Variants in PSMA8 observed in about 807,000 individuals in gnomAD.
The protein encoded by PSMA8 is proteasome subunit alpha-type 8.
In PSMA8, 18 loss-of-function variants were observed where a neutral mutation model predicts 32.4. The ratio of observed to expected loss-of-function variants is 0.56; its 90% CI spans 0.38 to 0.82. The LOEUF (loss-of-function observed/expected upper bound fraction) is 0.82, where lower values mean the gene tolerates loss of function less well. Ranked by LOEUF, PSMA8 falls within the 40% of genes least tolerant of loss-of-function variation. The probability of loss-of-function intolerance (pLI) is 0.00; values close to 1 mark genes in which losing one functional copy is unlikely to be tolerated. For synonymous variants in PSMA8, 104 were observed against 98.1 expected (o/e 1.06, Z -0.36); for missense variants, 298 against 300.7 (o/e 0.99, Z 0.07).
At chr18:26,140,153 C>A (rs1263875333) in intron 1 of PSMA8, 1 of 702,808 alleles carries the variant, frequency 1.4e-6, no homozygotes, top group African/African-American at 1.7e-5. Context: ...AAGTTCTTCA[C>A]CAGTTAGCCC....
At chr18:26,151,043 C>T (rs1029503922) in intron 2 of PSMA8, among the ~76,000 whole-genome samples, 7 of 152,134 alleles carry the variant, frequency 4.6e-5, no homozygotes, top group Non-Finnish European at 1.0e-4. Context: ...ATTACAATTT[C>T]TACCCAACTA....
chr18:26,177,202 C>T (rs901238149), intron 4 of PSMA8, among the ~76,000 whole-genome samples: 15 of 152,102 alleles, frequency 9.9e-5, no homozygotes, highest in African/African-American at 3.4e-4. Context: ...GATTTTGTCC[C>T]ACCTAAAAGA....
At chr18:26,157,986 G>A in intron 3 of PSMA8, 136 bp from the exon 4 acceptor site, 1 of 609,120 alleles carries the variant, frequency 1.6e-6, no homozygotes, top group African/African-American at 1.9e-5. Flanking sequence ...GCTCCAGAAA[G>A]GGTTAGGAAA....
At chr18:26,165,569 T>A (rs553805553) in intron 4 of PSMA8, among the ~76,000 whole-genome samples, 13 of 150,842 alleles carry the variant, frequency 8.6e-5, no homozygotes, top group Non-Finnish European at 1.8e-4. Context: ...TCAAGGGAAT[T>A]TTCCCCCCCC....
chr18:26,181,655 A>G (rs2055312282), intron 6 of PSMA8, among the ~76,000 whole-genome samples: 1 of 152,244 alleles, frequency 6.6e-6, no homozygotes, highest in South Asian at 2.1e-4. Flanking sequence ...TACTTAAAGA[A>G]ATTTAAAGTG....
chr18:26,170,185 CT>C (rs1482142167), intron 4 of PSMA8, among the ~76,000 whole-genome samples: 1 of 119,434 alleles, frequency 8.4e-6, no homozygotes, highest in Middle Eastern at 3.3e-3. Context: ...AGCAAATACA[CT>C]GCTTTCACTG....
intron 6 of PSMA8, among the ~76,000 whole-genome samples, chr18:26,180,357 TG>T (rs2055300585): frequency 6.6e-6 from 1 of 152,210 alleles, no homozygotes; most frequent in South Asian, 2.1e-4. Context: ...GTTTTTTGTT[TG>T]TTTGTTTCTG....
chr18:26,160,054 C>A (rs1241902817), intron 4 of PSMA8, among the ~76,000 whole-genome samples: 1 of 152,156 alleles, frequency 6.6e-6, no homozygotes, highest in Non-Finnish European at 1.5e-5. Flanking sequence ...GTAGTCCCAG[C>A]ACTTTGGGCA....
intron 4 of PSMA8, among the ~76,000 whole-genome samples, chr18:26,158,948 A>C (rs2144308392): frequency 6.6e-6 from 1 of 152,252 alleles, no homozygotes; most frequent in East Asian, 1.9e-4. Context: ...ACTCCAGCCC[A>C]GGTGACAGAG....
intron 4 of PSMA8, among the ~76,000 whole-genome samples, chr18:26,158,884 G>A (rs143920232): frequency 1.3e-4 from 20 of 152,194 alleles, no homozygotes; most frequent in Non-Finnish European, 2.4e-4. Flanking sequence ...GAGACAGGGG[G>A]ATTGCTTGAG....
At chr18:26,141,205 C>G (rs1444336339) in intron 1 of PSMA8, among the ~76,000 whole-genome samples, 2 of 151,476 alleles carry the variant, frequency 1.3e-5, no homozygotes, top group Admixed American at 6.6e-5. Flanking sequence ...ATTTTTATCC[C>G]TTTTTGTACC....
At chr18:26,139,918 G>A in intron 1 of PSMA8, 1 of 603,636 alleles carries the variant, frequency 1.7e-6, no homozygotes, top group Admixed American at 2.8e-5. Context: ...TTCGCATAGT[G>A]TTTTCCTGAT....
intron 4 of PSMA8, among the ~76,000 whole-genome samples, chr18:26,158,702 C>A (rs1266194200): frequency 6.6e-6 from 1 of 152,190 alleles, no homozygotes; most frequent in African/African-American, 2.4e-5. Flanking sequence ...TAGCAATGAT[C>A]TCTACATAAT....
chr18:26,188,340 C>CAAAAAAA (rs35512719), intron 6 of PSMA8, among the ~76,000 whole-genome samples: 1 of 143,660 alleles, frequency 7.0e-6, no homozygotes. Context: ...AAAAGGACAC[C>CAAAAAAA]AAAAAAAAAA....
chr18:26,190,154 TG>T (rs1057088761), intron 6 of PSMA8, among the ~76,000 whole-genome samples: 32 of 151,828 alleles, frequency 2.1e-4, no homozygotes, highest in Admixed American at 4.6e-4. Context: ...GGAAGGGTAG[TG>T]GGGGGCAGGG....
At chr18:26,165,869 G>A (rs151145752) in intron 4 of PSMA8, among the ~76,000 whole-genome samples, 1 of 152,104 alleles carries the variant, frequency 6.6e-6, no homozygotes, top group Non-Finnish European at 1.5e-5. Context: ...GCCGAGGCAG[G>A]TGGATCACCT....
chr18:26,171,676 G>GCC (rs2055223163), intron 4 of PSMA8, among the ~76,000 whole-genome samples: 1 of 152,126 alleles, frequency 6.6e-6, no homozygotes, highest in African/African-American at 2.4e-5. Flanking sequence ...GGTGGTTGTA[G>GCC]TGAGCTGAGA....
chr18:26,146,381 A>G (rs973587365), intron 2 of PSMA8, among the ~76,000 whole-genome samples: 4 of 152,204 alleles, frequency 2.6e-5, no homozygotes, highest in Non-Finnish European at 4.4e-5. Context: ...TAAAAAAATT[A>G]AAACCTCATT....
Position 26,171,298 on chromosome 18 carries a change from G to A in PSMA8, c.478-7532G>A. 12 of 1,567,114 alleles carry A rather than the reference G, an allele frequency of 7.7e-6. 3 individuals carry two copies. The highest frequency in any genetic ancestry group is 3.6e-5 in the Admixed American group (2 of 56,174). ...AGCGAACCAACCATGACAGCAGCGG[G>A]AGGACCTCCGAGCCCGCTCGTTACA... On this transcript the variant is annotated intron_variant, in intron 4 of 6. Coordinates refer to ENST00000415576, the MANE Select transcript of PSMA8 (RefSeq NM_001025096.2).
Sources: allele counts gnomAD v4.1 joint callset (sites outside exome capture counted in the v4.1 genomes callset), GRCh38; gene constraint gnomAD v4.1.1; transcripts MANE v1.5; gene names NCBI Gene and HGNC (gene_info 2026-07-23, HGNC 2026-07-21).